The following UBAP2 variants were observed in gnomAD, a reference collection of about 807,000 sequenced individuals.
UBAP2 encodes the protein ubiquitin-associated protein 2.
UBAP2 carries 75 observed loss-of-function variants against 139.6 expected under a neutral mutation model. The observed-to-expected ratio is 0.54, with a 90% CI of 0.45 to 0.65. The LOEUF is 0.65. Among genes scored for constraint, UBAP2 ranks in the 30% least tolerant of loss-of-function variants. UBAP2 has a pLI of 0.00. For missense variants in UBAP2, 1,368 were observed against 1,369.6 expected (o/e 1.00, Z 0.02); for synonymous variants, 526 against 526.2 (o/e 1.00, Z 0.01).
intron 2 of UBAP2, among the ~76,000 whole-genome samples, chr9:34,000,452 CGA>C (rs1432842664): frequency 6.6e-6 from 1 of 152,032 alleles, no homozygotes; most frequent in East Asian, 1.9e-4. Flanking sequence ...TTAGTTTTAA[CGA>C]AGGTACCGTA....
chr9:34,021,719 C>T (rs570504752), intron 1 of UBAP2, among the ~76,000 whole-genome samples: 2 of 151,442 alleles, frequency 1.3e-5, no homozygotes, highest in South Asian at 4.2e-4. Context: ...CTGCAACCTC[C>T]GTCTCCCGGG....
Position 33,944,306 on chromosome 9 carries a change from G to C in UBAP2, c.1545+59C>G, listed in dbSNP as rs1022217958. 10 of 1,588,144 alleles carry C rather than the reference G, an allele frequency of 6.3e-6. No homozygotes were observed. In the African/African-American group the frequency reaches 9.4e-5, roughly 15 times the overall value. On this transcript the variant is annotated intron_variant, in intron 14 of 28. Coordinates refer to ENST00000379238, the MANE Select transcript of UBAP2 (RefSeq NM_001370062.2). ...GTTTCCAAAACTTAGTATCCCACTA[G>C]AGCTGAATGTAAAAATAATTCCAGC...
At chr9:33,938,598 A>T (rs576384857) in intron 16 of UBAP2, among the ~76,000 whole-genome samples, 1 of 152,196 alleles carries the variant, frequency 6.6e-6, no homozygotes, top group Admixed American at 6.5e-5. Context: ...GGAGTTCGAG[A>T]CCAGCCTGGG....
chr9:34,028,837 A>G (rs1242371924), intron 1 of UBAP2, among the ~76,000 whole-genome samples: 2 of 152,096 alleles, frequency 1.3e-5, no homozygotes, highest in Non-Finnish European at 2.9e-5. Flanking sequence ...CTATACTATA[A>G]AGCAGGGATC....
At chr9:33,930,547 TG>T (rs1257293527) in intron 19 of UBAP2, among the ~76,000 whole-genome samples, 1 of 151,702 alleles carries the variant, frequency 6.6e-6, no homozygotes. Context: ...AAAAAAAAGT[TG>T]AAGGACACTG....
chr9:34,049,163 C>T (rs1167835506), upstream of UBAP2, among the ~76,000 whole-genome samples: 2 of 152,218 alleles, frequency 1.3e-5, no homozygotes, highest in Non-Finnish European at 2.9e-5. Context: ...TACAAGGTGC[C>T]CACAACTGCA....
intron 10 of UBAP2, 150 bp from the exon 11 acceptor site, chr9:33,956,296 A>G: frequency 1.9e-6 from 1 of 529,342 alleles, no homozygotes; most frequent in Non-Finnish European, 3.3e-6. Flanking sequence ...GACCATGACA[A>G]GTAATTTTCA....
At chr9:34,031,048 T>C (rs1381450605) in intron 1 of UBAP2, among the ~76,000 whole-genome samples, 1 of 152,088 alleles carries the variant, frequency 6.6e-6, no homozygotes, top group East Asian at 1.9e-4. Flanking sequence ...GTTTCAAGAC[T>C]AGCCTGGCAA....
intron 7 of UBAP2, among the ~76,000 whole-genome samples, chr9:33,972,351 A>T (rs1827978507): frequency 6.6e-6 from 1 of 152,214 alleles, no homozygotes; most frequent in Non-Finnish European, 1.5e-5. Flanking sequence ...AAAATCCACA[A>T]AACAATTTAA....
At chr9:33,972,359 T>C (rs1329130812) in intron 7 of UBAP2, among the ~76,000 whole-genome samples, 1 of 152,150 alleles carries the variant, frequency 6.6e-6, no homozygotes, top group East Asian at 1.9e-4. Context: ...CAAAACAATT[T>C]AAAGCTAATG....
intron 16 of UBAP2, among the ~76,000 whole-genome samples, chr9:33,940,750 A>T (rs1938785708): frequency 1.3e-5 from 2 of 152,200 alleles, no homozygotes; most frequent in South Asian, 4.1e-4. Context: ...CTGGACTCTA[A>T]CCTGGGTGAC....
intron 2 of UBAP2, among the ~76,000 whole-genome samples, chr9:34,013,437 G>A (rs925583947): frequency 6.6e-6 from 1 of 151,926 alleles, no homozygotes; most frequent in African/African-American, 2.4e-5. Context: ...GTTGCAGTGA[G>A]CTGACATCGC....
intron 2 of UBAP2, among the ~76,000 whole-genome samples, chr9:34,005,467 A>G (rs1823124281): frequency 6.6e-6 from 1 of 151,590 alleles, no homozygotes; most frequent in Non-Finnish European, 1.5e-5. Flanking sequence ...AATCTGATAA[A>G]AGAATAACAT....
intron 5 of UBAP2, 80 bp from the exon 6 acceptor site, chr9:33,986,917 C>T: frequency 8.1e-7 from 1 of 1,234,264 alleles, no homozygotes; most frequent in Non-Finnish European, 1.2e-6. Context: ...CTATTAAAGG[C>T]AAAGAAGGAA....
chr9:33,942,942 GGGATA>G (rs1825363370), intron 15 of UBAP2, among the ~76,000 whole-genome samples: 1 of 152,046 alleles, frequency 6.6e-6, no homozygotes, highest in Non-Finnish European at 1.5e-5. Flanking sequence ...CTCTACTCCT[GGGATA>G]TACATCCCAA....
At chr9:34,017,648 C>T (rs1230836593) in intron 1 of UBAP2, among the ~76,000 whole-genome samples, 2 of 152,082 alleles carry the variant, frequency 1.3e-5, no homozygotes, top group African/African-American at 2.4e-5. Context: ...ATTGTGTGGC[C>T]GGGTGCGGTG....
At chr9:34,030,701 T>C (rs140761321) in intron 1 of UBAP2, among the ~76,000 whole-genome samples, 1 of 151,780 alleles carries the variant, frequency 6.6e-6, no homozygotes, top group African/African-American at 2.4e-5. Flanking sequence ...CCCGGGCGCA[T>C]GGATCACAAG....
chr9:34,030,949 AAAAAT>A (rs1363981364), intron 1 of UBAP2, among the ~76,000 whole-genome samples: 7 of 151,946 alleles, frequency 4.6e-5, no homozygotes, highest in Non-Finnish European at 2.9e-5. Context: ...AACTAAAAAT[AAAAAT>A]AAAATAAGGG....
chr9:34,021,096 T>C (rs544425542), intron 1 of UBAP2, among the ~76,000 whole-genome samples: 5 of 152,332 alleles, frequency 3.3e-5, no homozygotes, highest in Non-Finnish European at 5.9e-5. Flanking sequence ...TTGATCTGTG[T>C]ATCATAAAAT....
Sources: gnomAD v4.1 joint callset for allele counts (sites outside exome capture counted in the v4.1 genomes callset) on GRCh38, gnomAD v4.1.1 for gene constraint, MANE v1.5 for transcripts, NCBI Gene and HGNC (gene_info 2026-07-23, HGNC 2026-07-21) for gene names.